MAP2K4: variants seen among roughly 807,000 people sequenced by gnomAD.
The protein encoded by MAP2K4 is mitogen-activated protein kinase kinase 4.
Under a neutral mutation model 48.5 loss-of-function variants are expected in MAP2K4, and 4 were observed. The observed-to-expected ratio is 0.08, with a 90% CI of 0.04 to 0.19. The LOEUF is 0.19. Among genes scored for constraint, MAP2K4 ranks in the 10% least tolerant of loss-of-function variants. The pLI, the probability that MAP2K4 is intolerant of heterozygous loss-of-function variation, is 1.00. For synonymous variants in MAP2K4, 166 were observed against 173.1 expected, an observed-to-expected ratio of 0.96 and a Z score of 0.32; for missense variants, 258 against 493.3, an observed-to-expected ratio of 0.52 and a Z score of 4.52.
chr17:12,087,219 A>G (rs1369669825), intron 3 of MAP2K4, among the ~76,000 whole-genome samples: 1 of 152,006 alleles, frequency 6.6e-6, no homozygotes, highest in Non-Finnish European at 1.5e-5. Flanking sequence ...TTTCCTGCAT[A>G]TTTTCTATCA....
At chr17:12,052,622 A>G (rs1970176478) in intron 1 of MAP2K4, among the ~76,000 whole-genome samples, 2 of 152,118 alleles carry the variant, frequency 1.3e-5, no homozygotes, top group African/African-American at 4.8e-5. Flanking sequence ...CTTGCATTTT[A>G]TCTTAGTCTT....
chr17:12,112,394 C>T (rs1417237559), intron 6 of MAP2K4, among the ~76,000 whole-genome samples: 5 of 140,120 alleles, frequency 3.6e-5, no homozygotes, highest in East Asian at 2.2e-4. Flanking sequence ...ACTTGGGAGG[C>T]GGAGGTTGCA....
chr17:12,038,677 C>A (rs1338530926), intron 1 of MAP2K4, among the ~76,000 whole-genome samples: 1 of 152,080 alleles, frequency 6.6e-6, no homozygotes, highest in Non-Finnish European at 1.5e-5. Context: ...TGTGTCAAAT[C>A]CTGCTCTAAG....
chr17:12,072,223 T>G (rs1226173673), intron 2 of MAP2K4, among the ~76,000 whole-genome samples: 1 of 152,234 alleles, frequency 6.6e-6, no homozygotes, highest in African/African-American at 2.4e-5. Context: ...TAGCCTAATA[T>G]ACTTTTTTGA....
At chr17:12,120,141 C>G (rs1469396162) in intron 7 of MAP2K4, among the ~76,000 whole-genome samples, 1 of 152,096 alleles carries the variant, frequency 6.6e-6, no homozygotes, top group Non-Finnish European at 1.5e-5. Context: ...ATGTGTAATC[C>G]TGGGCCTAAA....
At chr17:12,076,565 A>G (rs965585483) in intron 2 of MAP2K4, among the ~76,000 whole-genome samples, 56 of 152,290 alleles carry the variant, frequency 3.7e-4, no homozygotes, top group African/African-American at 1.3e-3. Flanking sequence ...TCAAAATATA[A>G]TTTCTGTACA....
chr17:12,117,606 T>G lies in MAP2K4; in HGVS notation c.813+4246T>G, dbSNP rs369213049. On this transcript the variant is annotated intron_variant, in intron 7 of 10. Coordinates refer to ENST00000353533, the MANE Select transcript of MAP2K4 (RefSeq NM_003010.4). ...CTGCATTACTCACTGTATTTTTTTT[T>G]GTTTTTTTTGCTCATTTTTTGCTCA... is the stretch of plus-strand genomic sequence containing the variant. Among the ~76,000 whole-genome samples, 458 of 148,786 alleles carry G rather than the reference T, an allele frequency of 3.1e-3. 4 individuals carry two copies. Among genetic ancestry groups the G allele is most frequent in the African/African-American group, 0.01 (410 of 40,630 alleles).
intron 3 of MAP2K4, among the ~76,000 whole-genome samples, chr17:12,092,980 C>T (rs762354611): frequency 5.9e-5 from 9 of 152,070 alleles, no homozygotes; most frequent in Non-Finnish European, 1.3e-4. Context: ...GAGCCGAGAT[C>T]GCGCCACTGC....
intron 3 of MAP2K4, among the ~76,000 whole-genome samples, chr17:12,091,045 C>T (rs1351808094): frequency 6.6e-6 from 1 of 152,166 alleles, no homozygotes; most frequent in Non-Finnish European, 1.5e-5. Flanking sequence ...AGAATTGTGT[C>T]ACTGTGAAGA....
chr17:12,075,303 A>G (rs1045708064), intron 2 of MAP2K4, among the ~76,000 whole-genome samples: 1 of 152,236 alleles, frequency 6.6e-6, no homozygotes, highest in African/African-American at 2.4e-5. Context: ...AAGCAGTGGT[A>G]GAGTGAAATC....
At position 12,043,739 on chromosome 17, in the gene MAP2K4, G is replaced by A. The variant is rs907342870; in HGVS notation, c.116-11150G>A. On this transcript the variant is annotated intron_variant, in intron 1 of 10. Coordinates refer to ENST00000353533, the MANE Select transcript of MAP2K4 (RefSeq NM_003010.4). ...GGGAGTAAGGGGACAGGGGAATAGCGCAGAGGTTCTGTGACCTTTCCGTGC... is the reference window on the plus strand; with the variant it reads ...GGGAGTAAGGGGACAGGGGAATAGCACAGAGGTTCTGTGACCTTTCCGTGC... Among the ~76,000 whole-genome samples the A allele has an allele frequency of 2.9e-4, 44 of 152,082 alleles. 1 individual carries two copies. The highest frequency in any genetic ancestry group is 2.0e-3 in the Admixed American group (31 of 15,264).
chr17:12,051,744 G>A (rs904721365), intron 1 of MAP2K4, among the ~76,000 whole-genome samples: 1 of 151,884 alleles, frequency 6.6e-6, no homozygotes, highest in African/African-American at 2.4e-5. Flanking sequence ...TCATATTAAT[G>A]TCCTATTTGC....
intron 2 of MAP2K4, among the ~76,000 whole-genome samples, chr17:12,062,359 A>G (rs927374262): frequency 7.2e-5 from 11 of 152,126 alleles, no homozygotes; most frequent in Non-Finnish European, 1.2e-4. Flanking sequence ...TTTTTCAGAC[A>G]GGATCTTGCT....
rs181857849 is a variant in MAP2K4 at position 12,104,789 on chromosome 17, T to G, written c.514-3001T>G. ...GTCTTATCCTTTGTGATTTGTTGTTTTTATGTGTGTTCTTGGGAAAAATTT... is the reference window on the plus strand; with the variant it reads ...GTCTTATCCTTTGTGATTTGTTGTTGTTATGTGTGTTCTTGGGAAAAATTT... On this transcript the variant is annotated intron_variant, in intron 4 of 10. Coordinates refer to ENST00000353533, the MANE Select transcript of MAP2K4 (RefSeq NM_003010.4). Among the ~76,000 whole-genome samples, 14 of 152,260 alleles carry G rather than the reference T, an allele frequency of 9.2e-5. No homozygotes were observed. In the East Asian group the frequency reaches 2.7e-3, roughly 29 times the overall value.
rs145980221 is a variant in MAP2K4 at position 12,126,773 on chromosome 17, G to C, written c.891+1402G>C. Among the ~76,000 whole-genome samples the C allele has an allele frequency of 1.2e-4, 18 of 152,224 alleles. No homozygotes were observed. The East Asian group carries it at 3.5e-3, about 29-fold the overall frequency. On this transcript the variant is annotated intron_variant, in intron 8 of 10. Coordinates refer to ENST00000353533, the MANE Select transcript of MAP2K4 (RefSeq NM_003010.4). Reference sequence around the variant, plus strand: ...TTTCCTTTTTACCAAATTTTGTTTTGAAGTCTTCGGTTTATTTTCTTGTGC... The same window carrying C: ...TTTCCTTTTTACCAAATTTTGTTTTCAAGTCTTCGGTTTATTTTCTTGTGC...
chr17:12,050,670 G>T (rs1970111770), intron 1 of MAP2K4, among the ~76,000 whole-genome samples: 1 of 152,212 alleles, frequency 6.6e-6, no homozygotes, highest in Non-Finnish European at 1.5e-5. Flanking sequence ...TTAGCTGGTT[G>T]TGGAAAGCAA....
At chr17:12,046,395 A>G (rs1460362206) in intron 1 of MAP2K4, among the ~76,000 whole-genome samples, 1 of 152,190 alleles carries the variant, frequency 6.6e-6, no homozygotes. Context: ...TAAATTTAGC[A>G]ACATTTTAAA....
intron 8 of MAP2K4, among the ~76,000 whole-genome samples, chr17:12,126,969 A>G (rs1972874362): frequency 6.6e-6 from 1 of 152,296 alleles, no homozygotes; most frequent in East Asian, 1.9e-4. Context: ...CTAAGACTCT[A>G]TAGCCCAGAA....
chr17:12,034,549 A>C (rs1163234778), intron 1 of MAP2K4, among the ~76,000 whole-genome samples: 2 of 152,210 alleles, frequency 1.3e-5, no homozygotes, highest in Non-Finnish European at 2.9e-5. Flanking sequence ...ATTTATATAC[A>C]TTCACGAAAT....
Sources: allele counts gnomAD v4.1 joint callset (sites outside exome capture counted in the v4.1 genomes callset), GRCh38; gene constraint gnomAD v4.1.1; transcripts MANE v1.5; gene names NCBI Gene and HGNC (gene_info 2026-07-23, HGNC 2026-07-21).